Variants in CSNK2A2IP observed in about 807,000 individuals in gnomAD.
CSNK2A2IP encodes casein kinase II subunit alpha'-interacting protein.
chr3:88,457,250 G>T, the CSNK2A2IP span, among the ~76,000 whole-genome samples: 1 of 151,968 alleles, frequency 6.6e-6, no homozygotes, highest in Non-Finnish European at 1.5e-5. Flanking sequence ...GTCAAATTTG[G>T]TCTTGTCTGG....
At chr3:88,401,288 T>C in the CSNK2A2IP span, among the ~76,000 whole-genome samples, 1 of 152,102 alleles carries the variant, frequency 6.6e-6, no homozygotes, top group Admixed American at 6.6e-5. Flanking sequence ...TTCTTTATAA[T>C]TTTCAAAATA....
the CSNK2A2IP span, among the ~76,000 whole-genome samples, chr3:88,392,233 A>G: frequency 6.6e-6 from 1 of 152,184 alleles, no homozygotes; most frequent in Non-Finnish European, 1.5e-5. Context: ...ATTGTTTCCA[A>G]CTGGAATTTG....
At chr3:88,347,745 A>G in the CSNK2A2IP span, among the ~76,000 whole-genome samples, 1 of 151,952 alleles carries the variant, frequency 6.6e-6, no homozygotes, top group Admixed American at 6.6e-5. Flanking sequence ...TCCAAGGTAT[A>G]CCTGTATTTT....
the CSNK2A2IP span, among the ~76,000 whole-genome samples, chr3:88,355,261 G>C: frequency 1.3e-4 from 20 of 152,210 alleles, no homozygotes; most frequent in Middle Eastern, 3.4e-3. Context: ...CAAAAAGTTT[G>C]GATAAATAAT....
At chr3:88,429,295 G>C in the CSNK2A2IP span, among the ~76,000 whole-genome samples, 6 of 152,112 alleles carry the variant, frequency 3.9e-5, no homozygotes, top group South Asian at 1.2e-3. Flanking sequence ...TTGCCTCCAG[G>C]CTCTTTCCCA....
the CSNK2A2IP span, among the ~76,000 whole-genome samples, chr3:88,407,491 G>T: frequency 0.11 from 15,978 of 152,034 alleles, 1,252 homozygotes; most frequent in Admixed American, 0.25. Context: ...CATATGTAGC[G>T]CTGAAAATAA....
chr3:88,420,854 A>T, the CSNK2A2IP span, among the ~76,000 whole-genome samples: 1 of 152,182 alleles, frequency 6.6e-6, no homozygotes, highest in Non-Finnish European at 1.5e-5. Context: ...CAGAAATGAT[A>T]TTGGGTTCAT....
chr3:88,362,862 C>T, the CSNK2A2IP span, among the ~76,000 whole-genome samples: 1 of 152,136 alleles, frequency 6.6e-6, no homozygotes, highest in Non-Finnish European at 1.5e-5. Flanking sequence ...GTAGTCTTCC[C>T]TCTCTTTTCC....
chr3:88,446,062 C>CTTTCTTTCTTTCTTTCTTTCTTTT, the CSNK2A2IP span, among the ~76,000 whole-genome samples: 2 of 105,976 alleles, frequency 1.9e-5, no homozygotes, highest in African/African-American at 7.4e-5. Context: ...TTCTTTCTTT[C>CTTTCTTTCTTTCTTTCTTTCTTTT]TTTCTTTCTT....
chr3:88,410,467 G>C, the CSNK2A2IP span, among the ~76,000 whole-genome samples: 8 of 151,876 alleles, frequency 5.3e-5, no homozygotes, highest in East Asian at 1.5e-3. Flanking sequence ...CATCCACTCC[G>C]GAAGCTCTCC....
chr3:88,372,678 C>T, the CSNK2A2IP span, among the ~76,000 whole-genome samples: 2 of 151,380 alleles, frequency 1.3e-5, no homozygotes, highest in Admixed American at 6.6e-5. Context: ...TAGAGATTGT[C>T]ACAATAGATA....
At chr3:88,464,710 T>G in the CSNK2A2IP span, among the ~76,000 whole-genome samples, 1 of 149,748 alleles carries the variant, frequency 6.7e-6, no homozygotes. Flanking sequence ...TTTCTCTGAG[T>G]TTTTTTTTAC....
chr3:88,400,938 G>A, the CSNK2A2IP span, among the ~76,000 whole-genome samples: 2 of 152,250 alleles, frequency 1.3e-5, no homozygotes, highest in East Asian at 3.9e-4. Flanking sequence ...TAGAAGTTAA[G>A]GAATCAGTAA....
chr3:88,383,321 C>T, the CSNK2A2IP span, among the ~76,000 whole-genome samples: 21 of 152,316 alleles, frequency 1.4e-4, no homozygotes, highest in African/African-American at 4.3e-4. Flanking sequence ...TAAAATCCAT[C>T]GTTCACTGTT....
chr3:88,344,772 T>A, the CSNK2A2IP span, among the ~76,000 whole-genome samples: 91 of 152,034 alleles, frequency 6.0e-4, no homozygotes, highest in Non-Finnish European at 5.9e-5. Flanking sequence ...ACATTGTAAA[T>A]TATACAGTAA....
the CSNK2A2IP span, among the ~76,000 whole-genome samples, chr3:88,364,494 G>T: frequency 1.3e-5 from 2 of 151,962 alleles, no homozygotes; most frequent in Non-Finnish European, 2.9e-5. Context: ...GGGAAAAAGA[G>T]AGATAATGTA....
At chr3:88,398,350 C>A in the CSNK2A2IP span, among the ~76,000 whole-genome samples, 2 of 151,962 alleles carry the variant, frequency 1.3e-5, no homozygotes, top group Non-Finnish European at 2.9e-5. Flanking sequence ...ATCATGTGAA[C>A]AAGAAAGAAA....
chr3:88,439,597 C>G, the CSNK2A2IP span, among the ~76,000 whole-genome samples: 1 of 151,768 alleles, frequency 6.6e-6, no homozygotes, highest in African/African-American at 2.4e-5. Context: ...CAAAAATTAT[C>G]TGAGCATGGT....
At chr3:88,347,461 G>T in the CSNK2A2IP span, among the ~76,000 whole-genome samples, 1 of 151,990 alleles carries the variant, frequency 6.6e-6, no homozygotes, top group African/African-American at 2.4e-5. Context: ...ACATTACCCT[G>T]ATCAGTCAGC....
Sources: allele counts gnomAD v4.1 joint callset (sites outside exome capture counted in the v4.1 genomes callset), GRCh38; gene constraint gnomAD v4.1.1; transcripts MANE v1.5; gene names NCBI Gene and HGNC (gene_info 2026-07-23, HGNC 2026-07-21).